The following SLC24A3 variants were observed in gnomAD, a reference collection of about 807,000 sequenced individuals.
SLC24A3 encodes sodium/potassium/calcium exchanger 3.
A neutral mutation model predicts 75.8 loss-of-function variants in SLC24A3; 28 were observed. The observed-to-expected ratio is 0.37, with a 90% CI of 0.27 to 0.51. SLC24A3 has a LOEUF of 0.51. Among genes scored for constraint, SLC24A3 ranks in the 20% least tolerant of loss-of-function variants. The pLI, the probability that SLC24A3 is intolerant of heterozygous loss-of-function variation, is 0.94. For missense variants in SLC24A3, 663 were observed against 847.8 expected (o/e 0.78, Z 2.71); for synonymous variants, 372 against 334.1 (o/e 1.11, Z -1.24).
intron 2 of SLC24A3, among the ~76,000 whole-genome samples, chr20:19,505,269 C>T (rs183839602): frequency 6.8e-4 from 103 of 152,284 alleles, no homozygotes; most frequent in African/African-American, 2.4e-3. Context: ...AAGGCAGTTT[C>T]TCAATCTGCA....
chr20:19,220,985 A>C (rs1981693994), intron 1 of SLC24A3, among the ~76,000 whole-genome samples: 1 of 152,184 alleles, frequency 6.6e-6, no homozygotes, highest in African/African-American at 2.4e-5. Context: ...CCTGGATGTG[A>C]ATATATGTGT....
At chr20:19,298,903 G>GT in intron 2 of SLC24A3, among the ~76,000 whole-genome samples, 1 of 152,334 alleles carries the variant, frequency 6.6e-6, no homozygotes, top group Admixed American at 6.5e-5. Context: ...CCAGTCATGG[G>GT]TTGGGGGCTG....
rs371846369 is a variant in SLC24A3 at position 19,409,243 on chromosome 20, G to C, written c.272-106245G>C. On this transcript the variant is annotated intron_variant, in intron 2 of 16. Coordinates refer to ENST00000328041, the MANE Select transcript of SLC24A3 (RefSeq NM_020689.4). ...GAGAAGGAGGAGCCCTTCCCAGGAAGAGGCGCAGCAGGAGCAGAGGCCCTG... is the reference window on the plus strand; with the variant it reads ...GAGAAGGAGGAGCCCTTCCCAGGAACAGGCGCAGCAGGAGCAGAGGCCCTG... 1.5e-3 allele frequency among the ~76,000 whole-genome samples: 225 copies of C among 152,310 alleles called. 5 individuals are homozygous for C. The South Asian group carries it at 0.044, about 30-fold the overall frequency.
intron 2 of SLC24A3, among the ~76,000 whole-genome samples, chr20:19,477,624 T>G (rs910150769): frequency 1.4e-4 from 22 of 152,174 alleles, no homozygotes; most frequent in African/African-American, 5.3e-4. Flanking sequence ...AGAGAGTTTT[T>G]GGCTTTTGGT....
chr20:19,541,939 G>C (rs1450511898), intron 3 of SLC24A3, among the ~76,000 whole-genome samples: 1 of 152,180 alleles, frequency 6.6e-6, no homozygotes, highest in East Asian at 1.9e-4. Flanking sequence ...AGGGGAGCAA[G>C]GAACAGGGAG....
At chr20:19,278,066 G>A (rs1983541154) in intron 1 of SLC24A3, among the ~76,000 whole-genome samples, 1 of 152,196 alleles carries the variant, frequency 6.6e-6, no homozygotes. Context: ...ATGCCAGCTG[G>A]CACAGTGCAG....
At chr20:19,412,428 A>T (rs901428791) in intron 2 of SLC24A3, among the ~76,000 whole-genome samples, 18 of 152,130 alleles carry the variant, frequency 1.2e-4, no homozygotes, top group Admixed American at 9.2e-4. Context: ...GTGGAGAAGG[A>T]GGAAGAAGAG....
At chr20:19,601,368 T>G (rs546948064) in intron 6 of SLC24A3, among the ~76,000 whole-genome samples, 1 of 152,324 alleles carries the variant, frequency 6.6e-6, no homozygotes, top group South Asian at 2.1e-4. Flanking sequence ...AGTTCCCTGG[T>G]CTGTTCCGGC....
At chr20:19,681,828 T>G in intron 9 of SLC24A3, 30 bp from the exon 10 acceptor site, 1 of 1,613,666 alleles carries the variant, frequency 6.2e-7, no homozygotes, top group Non-Finnish European at 8.5e-7. Flanking sequence ...AAAACACTGA[T>G]GGACTCTGCC....
chr20:19,368,909 G>A (rs370504005), intron 2 of SLC24A3, among the ~76,000 whole-genome samples: 1 of 152,144 alleles, frequency 6.6e-6, no homozygotes, highest in African/African-American at 2.4e-5. Flanking sequence ...ACAATAACAG[G>A]TTATAATCCA....
Position 19,711,258 on chromosome 20 carries a change from C to G in SLC24A3, c.1720-6270C>G, listed in dbSNP as rs536464807. On this transcript the variant is annotated intron_variant, in intron 15 of 16. Coordinates refer to ENST00000328041, the MANE Select transcript of SLC24A3 (RefSeq NM_020689.4). ...ACACACGCAGGCAAATGTGCACACA[C>G]ACATGCACACATGCAAACATATGCA... 6.6e-5 allele frequency among the ~76,000 whole-genome samples: 10 copies of G among 151,804 alleles called. No individual in the cohort carries two copies. In the South Asian group the frequency reaches 2.1e-3, roughly 32 times the overall value.
intron 2 of SLC24A3, among the ~76,000 whole-genome samples, chr20:19,330,393 A>G (rs1208816432): frequency 6.6e-6 from 1 of 152,216 alleles, no homozygotes. Flanking sequence ...TAAAGGGGAA[A>G]AAGGGCATCT....
chr20:19,704,395 A>G (rs1208941379), intron 15 of SLC24A3, among the ~76,000 whole-genome samples: 4 of 152,206 alleles, frequency 2.6e-5, no homozygotes, highest in African/African-American at 7.2e-5. Context: ...ATGTAAGGGA[A>G]TGATTATTCT....
At chr20:19,266,583 A>C (rs1472287025) in intron 1 of SLC24A3, among the ~76,000 whole-genome samples, 2 of 152,240 alleles carry the variant, frequency 1.3e-5, no homozygotes, top group Admixed American at 1.3e-4. Flanking sequence ...TGTTTATCCA[A>C]TCACAAAGGA....
chr20:19,644,959 A>G (rs894800744), intron 6 of SLC24A3, among the ~76,000 whole-genome samples: 1 of 152,234 alleles, frequency 6.6e-6, no homozygotes, highest in Non-Finnish European at 1.5e-5. Flanking sequence ...ACATGAAGCA[A>G]CAACCATAGC....
At chr20:19,717,710 C>T in intron 16 of SLC24A3, 117 bp downstream of exon 16, 2 of 1,057,376 alleles carry the variant, frequency 1.9e-6, no homozygotes, top group South Asian at 2.8e-5. Flanking sequence ...ACCTCCTTGT[C>T]CCATCTCCTG....
At chr20:19,277,102 A>G (rs1568575979) in intron 1 of SLC24A3, among the ~76,000 whole-genome samples, 2 of 152,242 alleles carry the variant, frequency 1.3e-5, no homozygotes, top group Non-Finnish European at 2.9e-5. Flanking sequence ...TAATTAAACC[A>G]GGATGGATTT....
intron 2 of SLC24A3, among the ~76,000 whole-genome samples, chr20:19,475,272 G>A (rs1218447489): frequency 6.6e-6 from 1 of 151,918 alleles, no homozygotes; most frequent in Non-Finnish European, 1.5e-5. Flanking sequence ...CAGGGAGGTG[G>A]AGCTTGCAGT....
intron 2 of SLC24A3, among the ~76,000 whole-genome samples, chr20:19,385,208 C>T (rs990293951): frequency 6.6e-6 from 1 of 152,160 alleles, no homozygotes; most frequent in Admixed American, 6.5e-5. Context: ...ACCCAAAAAA[C>T]CAAAATCATT....
Sources: gnomAD v4.1 joint callset for allele counts (sites outside exome capture counted in the v4.1 genomes callset) on GRCh38, gnomAD v4.1.1 for gene constraint, MANE v1.5 for transcripts, NCBI Gene and HGNC (gene_info 2026-07-23, HGNC 2026-07-21) for gene names.